RPE: variants seen among roughly 807,000 people sequenced by gnomAD.
The protein encoded by RPE is ribulose-phosphate 3-epimerase.
Under a neutral mutation model 24.6 loss-of-function variants are expected in RPE, and 16 were observed. The ratio of observed to expected loss-of-function variants is 0.65; its 90% confidence interval spans 0.44 to 0.99. The LOEUF (loss-of-function observed/expected upper bound fraction) is 0.99. Ranked by LOEUF, RPE falls within the 50% of genes least tolerant of loss-of-function variation. The pLI, the probability that RPE is intolerant of heterozygous loss-of-function variation, is 0.00. For missense variants in RPE, 240 were observed against 294.5 expected (o/e 0.81, Z 1.35); for synonymous variants, 93 against 98.4 (o/e 0.94, Z 0.33).
intron 1 of RPE, among the ~76,000 whole-genome samples, chr2:210,009,359 T>C (rs2093671757): frequency 6.6e-6 from 1 of 152,202 alleles, no homozygotes; most frequent in African/African-American, 2.4e-5. Flanking sequence ...GGGCAAGTCA[T>C]AAAGCCTGAG....
chr2:210,006,608 T>C (rs865943310), intron 1 of RPE, among the ~76,000 whole-genome samples: 31 of 152,334 alleles, frequency 2.0e-4, no homozygotes, highest in Middle Eastern at 6.8e-3. Flanking sequence ...TATTATACTT[T>C]TATTTTCATA....
Position 210,002,655 on chromosome 2 carries a change from C to G in RPE, c.-7C>G. On this transcript the variant is annotated 5_prime_UTR_variant, in exon 1 of 6. Transcript: ENST00000359429. ...TCGTGGGTAACTTGCTTTTGGGAGC[C>G]AGCGGTATGGCGTCGGGCTGCAAGA... 1 of 1,611,672 alleles carries G rather than the reference C, an allele frequency of 6.2e-7. No individual in the cohort carries two copies. The highest frequency in any genetic ancestry group is 1.3e-5 in the African/African-American group (1 of 74,992).
intron 5 of RPE, chr2:210,018,755 C>T (rs1281656469): frequency 2.1e-6 from 2 of 940,480 alleles, no homozygotes; most frequent in Non-Finnish European, 2.5e-6. Flanking sequence ...TTGGCGATGA[C>T]CTTAAACAGC....
Position 210,014,291 on chromosome 2 carries a change from G to A in RPE, c.203-1682G>A, listed in dbSNP as rs371923859. The stretch of plus-strand genomic sequence containing the variant: ...TTTTTAGTAGAGATGGGGTTTCACC[G>A]TGTTAGCCAGGATGGTCTCGATCTC... On this transcript the variant is annotated intron_variant, in intron 2 of 5. Coordinates refer to ENST00000359429, the MANE Select transcript of RPE (RefSeq NM_199229.3). Among the ~76,000 whole-genome samples, 4 of 151,610 alleles carry A rather than the reference G, an allele frequency of 2.6e-5. No individual in the cohort carries two copies. The East Asian group carries it at 5.9e-4, about 22-fold the overall frequency.
intron 1 of RPE, among the ~76,000 whole-genome samples, chr2:210,008,169 G>C (rs1269242645): frequency 6.6e-6 from 1 of 152,094 alleles, no homozygotes. Context: ...TGTGAATTCT[G>C]GTGAGTCATT....
At chr2:210,014,945 A>G (rs2093750214) in intron 2 of RPE, among the ~76,000 whole-genome samples, 1 of 152,170 alleles carries the variant, frequency 6.6e-6, no homozygotes, top group Non-Finnish European at 1.5e-5. Context: ...ATGAAATGCT[A>G]TTATGTTTTA....
Position 210,021,366 on chromosome 2 carries a change from G to A in RPE, c.*1575G>A, listed in dbSNP as rs547530286. ...ATTTGTTAATGTTTGTTTTTATTCA[G>A]CTTGGGAAAGCTTTGTGCCATGAAT... On this transcript the variant is annotated 3_prime_UTR_variant, in exon 6 of 6. Transcript: ENST00000359429. 6.6e-6 allele frequency: 1 copy of A among 152,390 alleles called. No homozygotes were observed. Among genetic ancestry groups the A allele is most frequent in the Non-Finnish European group, 1.5e-5 (1 of 67,956 alleles). 9.4% of individuals were successfully genotyped at this position (152,390 alleles called of 1,614,324 possible).
intron 1 of RPE, among the ~76,000 whole-genome samples, chr2:210,005,351 T>G (rs1313125438): frequency 6.6e-6 from 1 of 152,156 alleles, no homozygotes; most frequent in Non-Finnish European, 1.5e-5. Context: ...ATTTCTCCCC[T>G]GATTACAACT....
At chr2:210,005,455 T>A (rs75213702) in intron 1 of RPE, among the ~76,000 whole-genome samples, 37 of 152,146 alleles carry the variant, frequency 2.4e-4, no homozygotes, top group Non-Finnish European at 4.6e-4. Flanking sequence ...AAAGGACAAG[T>A]GGATTCTCTG....
chr2:210,014,177 C>T (rs953770518), intron 2 of RPE, among the ~76,000 whole-genome samples: 4 of 152,016 alleles, frequency 2.6e-5, no homozygotes, highest in Non-Finnish European at 2.9e-5. Context: ...CTGCAAGCTC[C>T]GCCTCCTGGA....
chr2:210,006,094 C>T (rs1006441311), intron 1 of RPE, among the ~76,000 whole-genome samples: 2 of 152,172 alleles, frequency 1.3e-5, no homozygotes, highest in Admixed American at 6.5e-5. Flanking sequence ...ATTTCTTTCA[C>T]ACTTAACTAA....
chr2:210,003,819 A>G (rs1386086627), intron 1 of RPE, among the ~76,000 whole-genome samples: 2 of 152,064 alleles, frequency 1.3e-5, no homozygotes, highest in African/African-American at 4.8e-5. Context: ...TTTAATGTTA[A>G]TCTGGCTTTG....
intron 2 of RPE, among the ~76,000 whole-genome samples, chr2:210,013,771 A>C (rs1318992234): frequency 6.6e-6 from 1 of 152,176 alleles, no homozygotes; most frequent in African/African-American, 2.4e-5. Flanking sequence ...TGCCAGGATT[A>C]CAGGCTTGAG....
chr2:210,003,043 C>A (rs370933148), intron 1 of RPE, among the ~76,000 whole-genome samples: 1 of 152,168 alleles, frequency 6.6e-6, no homozygotes, highest in Non-Finnish European at 1.5e-5. Flanking sequence ...TCACTTAGGA[C>A]CCGGAAGCGA....
At chr2:210,003,678 A>G (rs529603877) in intron 1 of RPE, among the ~76,000 whole-genome samples, 34 of 152,338 alleles carry the variant, frequency 2.2e-4, no homozygotes, top group Admixed American at 5.2e-4. Context: ...ACTGACTATA[A>G]AAATCATAAA....
intron 2 of RPE, among the ~76,000 whole-genome samples, chr2:210,011,552 T>C (rs73063910): frequency 0.016 from 2,484 of 152,332 alleles, 71 homozygotes; most frequent in African/African-American, 0.056. Context: ...TTGTTTTTAA[T>C]TTGTTGATAA....
Position 210,021,156 on chromosome 2 carries a change from G to T in RPE, c.*1365G>T, listed in dbSNP as rs1234106141. 1.3e-5 allele frequency: 2 copies of T among 152,030 alleles called. No homozygotes were observed. The highest frequency in any genetic ancestry group is 2.9e-5 in the Non-Finnish European group (2 of 67,958). 9.4% of individuals were successfully genotyped at this position (152,030 alleles called of 1,614,324 possible). A position where few individuals can be genotyped will look rare whatever the true frequency, so the allele number is the denominator to read the frequency against. On this transcript the variant is annotated 3_prime_UTR_variant, in exon 6 of 6. Transcript: ENST00000359429. ...ATACAGAGTCTAAAAATATGTGTCA[G>T]CTACTTCATTCCTGTAAATACTCTT...
chr2:210,010,613 T>C (rs1002343301), intron 2 of RPE, among the ~76,000 whole-genome samples: 2 of 152,192 alleles, frequency 1.3e-5, no homozygotes, highest in Non-Finnish European at 1.5e-5. Flanking sequence ...TTAGATTCTT[T>C]TTAATCAGCA....
intron 2 of RPE, 93 bp downstream of exon 2, chr2:210,009,829 C>T (rs887205501): frequency 6.5e-7 from 1 of 1,547,996 alleles, no homozygotes; most frequent in East Asian, 2.2e-5. Flanking sequence ...CATCTGGCAC[C>T]CTTTCCCCAA....
Sources: allele counts gnomAD v4.1 joint callset (sites outside exome capture counted in the v4.1 genomes callset), GRCh38; gene constraint gnomAD v4.1.1; transcripts MANE v1.5; gene names NCBI Gene and HGNC (gene_info 2026-07-23, HGNC 2026-07-21).